Variants in CLCA1 observed in about 807,000 individuals in gnomAD.
CLCA1 encodes chloride channel accessory 1.
A neutral mutation model predicts 85.6 loss-of-function variants in CLCA1; 59 were observed. That is an observed-to-expected ratio of 0.69 (90% CI 0.56 to 0.86). The LOEUF is 0.86. Ranked by LOEUF, CLCA1 falls within the 40% of genes least tolerant of loss-of-function variation. CLCA1 has a pLI of 0.00. For synonymous variants in CLCA1, 396 were observed against 398.3 expected, an observed-to-expected ratio of 0.99 and a Z score of 0.07; for missense variants, 1,022 against 1,101.4, an observed-to-expected ratio of 0.93 and a Z score of 1.02.
At chr1:86,489,564 G>A (rs546741103) in intron 8 of CLCA1, among the ~76,000 whole-genome samples, 13 of 152,316 alleles carry the variant, frequency 8.5e-5, no homozygotes, top group African/African-American at 2.9e-4. Context: ...AAATAAGGGA[G>A]GCTTTAACTT....
At chr1:86,496,415 G>A (rs575867467) in intron 12 of CLCA1, among the ~76,000 whole-genome samples, 3 of 152,316 alleles carry the variant, frequency 2.0e-5, no homozygotes, top group South Asian at 2.1e-4. Context: ...CTGAGCCCAC[G>A]TGTAAGCAGG....
At chr1:86,494,953 G>A (rs1414352990) in intron 11 of CLCA1, among the ~76,000 whole-genome samples, 1 of 151,418 alleles carries the variant, frequency 6.6e-6, no homozygotes, top group East Asian at 1.9e-4. Context: ...CTCTATATTA[G>A]CTTGCCCCAA....
In CLCA1 at chr1:86,491,375, G is replaced by A; in HGVS notation, c.1464+4G>A. 1.3e-6 allele frequency: 2 copies of A among 1,597,780 alleles called. No individual in the cohort carries two copies. Among genetic ancestry groups the A allele is most frequent in the South Asian group, 1.1e-5 (1 of 89,710 alleles). ...TGTCTCTCAGCGCTCCATCCAGGTTGGAGTTCTTAATCTTTGGTTTTTCAT... is the reference window on the plus strand; with the variant it reads ...TGTCTCTCAGCGCTCCATCCAGGTTAGAGTTCTTAATCTTTGGTTTTTCAT... On this transcript the variant is annotated splice_donor_region_variant and intron_variant, in intron 9 of 13. Coordinates refer to ENST00000394711, the MANE Select transcript of CLCA1 (RefSeq NM_001285.4).
chr1:86,474,339 G>C (rs1647584271), intron 3 of CLCA1, among the ~76,000 whole-genome samples: 1 of 152,142 alleles, frequency 6.6e-6, no homozygotes, highest in Admixed American at 6.5e-5. Flanking sequence ...CGGATCACGA[G>C]GTCAGGAGAT....
At position 86,495,691 on chromosome 1, in the gene CLCA1, T is replaced by C; in HGVS notation, c.2113+16T>C. 1.9e-6 allele frequency: 3 copies of C among 1,599,180 alleles called. No homozygotes were observed. Among genetic ancestry groups the C allele is most frequent in the Non-Finnish European group, 2.6e-6 (3 of 1,170,580 alleles). On this transcript the variant is annotated intron_variant, in intron 12 of 13. Coordinates refer to ENST00000394711, the MANE Select transcript of CLCA1 (RefSeq NM_001285.4). ...ATTGAGAATGGTAAGTAATTTGTAA[T>C]AACATACCTGGCTTGTGCAAAAGCA...
intron 13 of CLCA1, among the ~76,000 whole-genome samples, chr1:86,499,346 T>C (rs570323477): frequency 6.6e-6 from 1 of 152,340 alleles, no homozygotes; most frequent in African/African-American, 2.4e-5. Context: ...AATAAAACAA[T>C]AAACAGTTGT....
rs1648348840 is a variant in CLCA1, at chr1:86,498,164, AAGG to A, written c.2114-406_2114-404del. 4.1e-5 allele frequency among the ~76,000 whole-genome samples: 5 copies of A among 121,906 alleles called. No homozygotes were observed. The Middle Eastern group carries it at 0.019, about 473-fold the overall frequency. 80.0% of individuals were successfully genotyped at this position (121,906 alleles called of 152,430 possible). Reference sequence around the variant, plus strand: ...AAAAACAAAAACAAAGAAAGGAAGGAAGGAAGGAAGGAAGGAAGGAAGGATGGA... The same window carrying A: ...AAAAACAAAAACAAAGAAAGGAAGGAAAGGAAGGAAGGAAGGAAGGATGGA... On this transcript the variant is annotated intron_variant, in intron 12 of 13. Coordinates refer to ENST00000394711, the MANE Select transcript of CLCA1 (RefSeq NM_001285.4).
At chr1:86,469,638 A>G (rs1218590236) in intron 1 of CLCA1, among the ~76,000 whole-genome samples, 1 of 152,158 alleles carries the variant, frequency 6.6e-6, no homozygotes. Flanking sequence ...TATCAGTCCC[A>G]ATTCAAGGGA....
At chr1:86,490,668 A>G (rs1253902901) in intron 8 of CLCA1, among the ~76,000 whole-genome samples, 1 of 152,220 alleles carries the variant, frequency 6.6e-6, no homozygotes, top group Admixed American at 6.5e-5. Context: ...ATCAATTTAT[A>G]TCATAAATTA....
Position 86,485,398 on chromosome 1 carries a change from A to G in CLCA1, c.791A>G (p.Asn264Ser), listed in dbSNP as rs1647934663. The part of the protein sequence containing the change: ...NHNKEAPNKQ[N>S]QKCNLRSTWE... The stretch of plus-strand genomic sequence containing the variant: ...AACAAAGAAGCTCCAAACAAGCAAA[A>G]TCAAAAATGCAATCTCCGAAGCACA... Residue 264 changes from asparagine (N) to serine (S), a missense_variant, in exon 6 of 14, where the codon AAT becomes AGT. By Grantham distance (46) the Asn-to-Ser change is conservative. Transcript: ENST00000394711. 1 of 1,614,108 alleles carries G rather than the reference A, an allele frequency of 6.2e-7. No homozygotes were observed. Among genetic ancestry groups the G allele is most frequent in the Non-Finnish European group, 8.5e-7 (1 of 1,180,028 alleles).
intron 13 of CLCA1, among the ~76,000 whole-genome samples, chr1:86,499,151 C>A (rs941252762): frequency 1.3e-5 from 2 of 152,170 alleles, no homozygotes; most frequent in Non-Finnish European, 2.9e-5. Context: ...CAGAGCAGAG[C>A]TCTTTTGGAA....
intron 13 of CLCA1, 139 bp from the exon 14 acceptor site, chr1:86,499,515 T>C: frequency 5.1e-6 from 3 of 593,134 alleles, no homozygotes; most frequent in Non-Finnish European, 8.7e-6. Context: ...TCAGTTCATT[T>C]ATTTGGGAAC....
At position 86,496,588 on chromosome 1, in the gene CLCA1, G is replaced by A. The variant is rs1045312475; in HGVS notation, c.2113+913G>A. Among the ~76,000 whole-genome samples, 5 of 152,214 alleles carry A rather than the reference G, an allele frequency of 3.3e-5. No homozygotes were observed. The South Asian group carries it at 8.3e-4, about 25-fold the overall frequency. ...TGTCCTGGGCAGGCTTTCTCCTGAGGTTGGTGTGCGGGAAGGAGAAGAGCT... is the reference window on the plus strand; with the variant it reads ...TGTCCTGGGCAGGCTTTCTCCTGAGATTGGTGTGCGGGAAGGAGAAGAGCT... On this transcript the variant is annotated intron_variant, in intron 12 of 13. Coordinates refer to ENST00000394711, the MANE Select transcript of CLCA1 (RefSeq NM_001285.4).
In CLCA1 at chr1:86,489,165, T is replaced by C; in HGVS notation, c.1352T>C (p.Met451Thr). Residue 451 changes from methionine (M) to threonine (T), a missense_variant, in exon 8 of 14, where the codon ATG becomes ACG. Met to Thr is a moderately conservative substitution (Grantham distance 81). Coordinates refer to ENST00000394711, the MANE Select transcript of CLCA1 (RefSeq NM_001285.4). ...CAAGAACTAGAGGAGCTGTCCAAAA[T>C]GACAGGTGAGGGATGATTTGCTGAG... ...AAQELEELSK[M>T]TGGLQTYASD... 1 of 1,613,592 alleles carries C rather than the reference T, an allele frequency of 6.2e-7. No individual in the cohort carries two copies. The highest frequency in any genetic ancestry group is 1.3e-5 in the African/African-American group (1 of 75,014).
At chr1:86,493,261 A>C (rs141231518) in intron 9 of CLCA1, 123 bp from the exon 10 acceptor site, 1 of 712,162 alleles carries the variant, frequency 1.4e-6, no homozygotes, top group Non-Finnish European at 2.4e-6. Context: ...CTAACACCAA[A>C]TCAAGGATTC....
chr1:86,486,420 C>G, intron 6 of CLCA1, 106 bp from the exon 7 acceptor site: 1 of 933,990 alleles, frequency 1.1e-6, no homozygotes, highest in East Asian at 2.5e-5. Context: ...AGCTTATGGT[C>G]ATTTGCTCTA....
intron 11 of CLCA1, among the ~76,000 whole-genome samples, chr1:86,494,668 C>T (rs973492488): frequency 1.3e-5 from 2 of 152,140 alleles, no homozygotes; most frequent in Non-Finnish European, 2.9e-5. Context: ...ACAGCTCAAG[C>T]TCAATAGATT....
intron 4 of CLCA1, among the ~76,000 whole-genome samples, chr1:86,480,858 C>T (rs1647798607): frequency 6.6e-6 from 1 of 152,094 alleles, no homozygotes; most frequent in Admixed American, 6.6e-5. Flanking sequence ...AGTCTTGATC[C>T]TGTGATTTCA....
intron 10 of CLCA1, among the ~76,000 whole-genome samples, chr1:86,493,976 C>T (rs369036043): frequency 2.0e-5 from 3 of 152,244 alleles, no homozygotes; most frequent in East Asian, 3.9e-4. Context: ...CCCTCCCACC[C>T]GCCGTGGAAT....
Sources: allele counts gnomAD v4.1 joint callset (sites outside exome capture counted in the v4.1 genomes callset), GRCh38; gene constraint gnomAD v4.1.1; transcripts MANE v1.5; gene names NCBI Gene and HGNC (gene_info 2026-07-23, HGNC 2026-07-21).